The following RBMS1 variants were observed in gnomAD, a reference collection of about 807,000 sequenced individuals.
The protein encoded by RBMS1 is RNA binding motif single stranded interacting protein 1, also known as RNA-binding motif, single-stranded-interacting protein 1.
Under a neutral mutation model 62.3 loss-of-function variants are expected in RBMS1, and 17 were observed. That is an observed-to-expected ratio of 0.27 (90% confidence interval 0.19 to 0.41). RBMS1 has a LOEUF of 0.41. Ranked by LOEUF, RBMS1 falls within the 10% of genes least tolerant of loss-of-function variation. The pLI, the probability that RBMS1 is intolerant of heterozygous loss-of-function variation, is 1.00. For missense variants in RBMS1, 334 were observed against 504.5 expected (o/e 0.66, Z 3.24); for synonymous variants, 172 against 170.0 (o/e 1.01, Z -0.09).
Position 160,396,214 on chromosome 2 carries a change from T to C in RBMS1, c.76-28823A>G, listed in dbSNP as rs539387748. On this transcript the variant is annotated intron_variant, in intron 1 of 13. Transcript: ENST00000348849. ...ATAGTGAAATTTTTTTAAATGGACG[T>C]TGGCCATGTGGTTCAGTTGAAAAAA... 2.0e-5 allele frequency among the ~76,000 whole-genome samples: 3 copies of C among 152,358 alleles called. No homozygotes were observed. The East Asian group carries it at 5.8e-4, about 29-fold the overall frequency.
intron 1 of RBMS1, among the ~76,000 whole-genome samples, chr2:160,443,761 T>TA (rs1683521103): frequency 6.6e-6 from 1 of 152,218 alleles, no homozygotes; most frequent in Admixed American, 6.5e-5. Flanking sequence ...GATATTTCTT[T>TA]ATAGCAATGC....
At chr2:160,378,642 T>C (rs1187094312) in intron 1 of RBMS1, among the ~76,000 whole-genome samples, 1 of 150,614 alleles carries the variant, frequency 6.6e-6, no homozygotes, top group Non-Finnish European at 1.5e-5. Flanking sequence ...AGCACTTTGA[T>C]GCTTTTCTGT....
chr2:160,441,641 CTT>C (rs1404125252), intron 1 of RBMS1, among the ~76,000 whole-genome samples: 7 of 152,326 alleles, frequency 4.6e-5, no homozygotes, highest in African/African-American at 1.7e-4. Flanking sequence ...AGGAAGATCT[CTT>C]GAGCCCAAGA....
chr2:160,486,280 C>A (rs1685597982), intron 1 of RBMS1, among the ~76,000 whole-genome samples: 1 of 152,176 alleles, frequency 6.6e-6, no homozygotes, highest in Admixed American at 6.5e-5. Flanking sequence ...TCCCTGTCCT[C>A]CACCCCCCAC....
At chr2:160,426,293 AGAAAGAAG>A (rs1208972908) in intron 1 of RBMS1, among the ~76,000 whole-genome samples, 2 of 60,344 alleles carry the variant, frequency 3.3e-5, no homozygotes, top group Non-Finnish European at 6.3e-5. Flanking sequence ...AAGAAAGAAA[AGAAAGAAG>A]GAAGGAAGGA....
At chr2:160,378,523 C>A (rs1286146946) in intron 1 of RBMS1, among the ~76,000 whole-genome samples, 1 of 151,572 alleles carries the variant, frequency 6.6e-6, no homozygotes, top group South Asian at 2.1e-4. Context: ...TGAGGTGGGA[C>A]GATCACTTGA....
In RBMS1 at chr2:160,372,275, G is replaced by A. The variant is rs192290377; in HGVS notation, c.76-4884C>T. On this transcript the variant is annotated intron_variant, in intron 1 of 13. Coordinates refer to ENST00000348849, the MANE Select transcript of RBMS1 (RefSeq NM_016836.4). ...GGACCTGCCCTTTAATTTTCTTCAAGTCTTCTTTAAAGTTTTCATCCTTAT... is the reference window on the plus strand; with the variant it reads ...GGACCTGCCCTTTAATTTTCTTCAAATCTTCTTTAAAGTTTTCATCCTTAT... Among the ~76,000 whole-genome samples, 296 of 150,432 alleles carry A rather than the reference G, an allele frequency of 2.0e-3. 1 individual carries two copies. Among genetic ancestry groups the A allele is most frequent in the South Asian group, 6.9e-3 (33 of 4,784 alleles).
intron 1 of RBMS1, among the ~76,000 whole-genome samples, chr2:160,470,504 T>C (rs1248106425): frequency 6.6e-6 from 1 of 152,192 alleles, no homozygotes; most frequent in East Asian, 1.9e-4. Context: ...ATCGTTATTG[T>C]TAATAACAAT....
intron 1 of RBMS1, 102 bp downstream of exon 1, chr2:160,493,187 C>G (rs960994353): frequency 8.8e-7 from 1 of 1,142,142 alleles, no homozygotes; most frequent in African/African-American, 1.6e-5. Context: ...CTCCGCCCGG[C>G]GGTGGCGGGG....
Position 160,367,323 on chromosome 2 carries a change from A to G in RBMS1, c.144T>C (p.Ser48=), listed in dbSNP as rs1406383964. The change falls in exon 2 of 14, where the codon AGT becomes AGC. Residue 48 remains serine (S), a synonymous_variant. Transcript: ENST00000348849. ...CCCATCCTGAGTTGCTACTGCTGCTACTGTTGTTATTACTGCTGGTGGTGC... is the reference window on the plus strand; with the variant it reads ...CCCATCCTGAGTTGCTACTGCTGCTGCTGTTGTTATTACTGCTGGTGGTGC... The part of the protein sequence containing the change: ...SPSTTSSNNN[S]SSSSNSGWDQ... 2 of 1,613,834 alleles carry G rather than the reference A, an allele frequency of 1.2e-6. No individual in the cohort carries two copies. The highest frequency in any genetic ancestry group is 1.7e-6 in the Non-Finnish European group (2 of 1,179,986).
chr2:160,426,280 AGAAAGAAAGAAAAGAAAGAAG>A (rs1478683483), intron 1 of RBMS1, among the ~76,000 whole-genome samples: 7 of 122,256 alleles, frequency 5.7e-5, no homozygotes, highest in African/African-American at 1.6e-4. Context: ...AAAGAAAGAA[AGAAAGAAAGAAAAGAAAGAAG>A]GAAGGAAGGA....
At chr2:160,325,457 AC>A (rs35644060) in intron 2 of RBMS1, among the ~76,000 whole-genome samples, 1 of 151,404 alleles carries the variant, frequency 6.6e-6, no homozygotes, top group Non-Finnish European at 1.5e-5. Flanking sequence ...ATTTGAGGAA[AC>A]CCCCTCTTGT....
intron 2 of RBMS1, among the ~76,000 whole-genome samples, chr2:160,345,448 AGAG>A (rs150138389): frequency 0.18 from 28,025 of 152,058 alleles, 3,285 homozygotes; most frequent in Admixed American, 0.36. Flanking sequence ...GACCTGAAGT[AGAG>A]ATTAGAAATT....
intron 7 of RBMS1, 131 bp downstream of exon 7, chr2:160,286,838 G>A: frequency 2.0e-6 from 3 of 1,513,852 alleles, no homozygotes; most frequent in Non-Finnish European, 2.6e-6. Context: ...GTACCGAAAG[G>A]AAGATTTAAT....
chr2:160,411,680 C>A (rs756198265), intron 1 of RBMS1, among the ~76,000 whole-genome samples: 13 of 152,186 alleles, frequency 8.5e-5, no homozygotes, highest in Non-Finnish European at 1.5e-4. Context: ...ACAAAATTGT[C>A]TTAAGTACAG....
intron 2 of RBMS1, among the ~76,000 whole-genome samples, chr2:160,339,065 G>C (rs1691729262): frequency 6.6e-6 from 1 of 152,178 alleles, no homozygotes; most frequent in African/African-American, 2.4e-5. Flanking sequence ...CATTAGGCCT[G>C]CCTGAGCCAA....
intron 1 of RBMS1, among the ~76,000 whole-genome samples, chr2:160,463,201 C>T (rs1488503092): frequency 6.6e-6 from 1 of 152,126 alleles, no homozygotes; most frequent in African/African-American, 2.4e-5. Flanking sequence ...GAAATGATAA[C>T]CTGTTCTAGA....
intron 2 of RBMS1, among the ~76,000 whole-genome samples, chr2:160,328,187 C>A (rs1691057671): frequency 2.0e-5 from 3 of 152,140 alleles, no homozygotes; most frequent in South Asian, 2.1e-4. Flanking sequence ...CCTCACAGCA[C>A]TGTTATAAAT....
chr2:160,376,113 T>G (rs1693984739), intron 1 of RBMS1, among the ~76,000 whole-genome samples: 1 of 152,192 alleles, frequency 6.6e-6, no homozygotes, highest in Non-Finnish European at 1.5e-5. Context: ...GCTGAGATTG[T>G]AAAGTCCTCA....
Sources: gnomAD v4.1 joint callset for allele counts (sites outside exome capture counted in the v4.1 genomes callset) on GRCh38, gnomAD v4.1.1 for gene constraint, MANE v1.5 for transcripts, NCBI Gene and HGNC (gene_info 2026-07-23, HGNC 2026-07-21) for gene names.